SFXN5: variants seen among roughly 807,000 people sequenced by gnomAD.
The protein encoded by SFXN5 is sideroflexin 5, also known as sideroflexin-5.
SFXN5 carries 43 observed loss-of-function variants against 50.2 expected under a neutral mutation model. The observed-to-expected ratio is 0.86, with a 90% CI of 0.67 to 1.11. The LOEUF is 1.11. Among genes scored for constraint, SFXN5 ranks in the 50% least tolerant of loss-of-function variants. The pLI, the probability that SFXN5 is intolerant of heterozygous loss-of-function variation, is 0.00. For synonymous variants in SFXN5, 203 were observed against 185.8 expected, an observed-to-expected ratio of 1.09 and a Z score of -0.75; for missense variants, 463 against 454.1, an observed-to-expected ratio of 1.02 and a Z score of -0.18.
In SFXN5 at chr2:72,968,400, C is replaced by T; in HGVS notation, c.827+48G>A. The T allele has an allele frequency of 1.9e-6, 3 of 1,566,122 alleles. No homozygotes were observed. In the South Asian group the frequency reaches 3.4e-5, roughly 18 times the overall value. ...GGCCAGCCGGTTCCCCCTCCCTCTC[C>T]CCCTCCTCCCCCATGGTGGCCTCTC... On this transcript the variant is annotated intron_variant, in intron 12 of 13. Transcript: ENST00000272433.
chr2:73,063,094 A>G lies in SFXN5; in HGVS notation c.103-4498T>C, dbSNP rs111727973. Among the ~76,000 whole-genome samples, 282 of 152,370 alleles carry G rather than the reference A, an allele frequency of 1.9e-3. 2 individuals carry two copies. The highest frequency in any genetic ancestry group is 5.2e-3 in the African/African-American group (218 of 41,600). ...AGTGAGACATGAATGTTTGTTAACC[A>G]GAATAGGGACAGGAAGAAGCATACT... is the stretch of plus-strand genomic sequence containing the variant. On this transcript the variant is annotated intron_variant, in intron 1 of 13. Coordinates refer to ENST00000272433, the MANE Select transcript of SFXN5 (RefSeq NM_144579.3).
At chr2:73,047,275 T>TACATAC (rs1553522774) in intron 2 of SFXN5, among the ~76,000 whole-genome samples, 2 of 51,762 alleles carry the variant, frequency 3.9e-5, no homozygotes, top group Non-Finnish European at 6.9e-5. Flanking sequence ...TATATATATA[T>TACATAC]ACACACATAT....
chr2:72,973,179 A>G lies in SFXN5; in HGVS notation c.626-1494T>C, dbSNP rs1370578100. ...TTTGGAGAAGAAAAGCAGGAGGCCAAATACAGTTCTAAAATGTATTTAGAG... is the reference window on the plus strand; with the variant it reads ...TTTGGAGAAGAAAAGCAGGAGGCCAGATACAGTTCTAAAATGTATTTAGAG... On this transcript the variant is annotated intron_variant, in intron 10 of 13. Transcript: ENST00000272433. The surrounding 1 kb of genome is among the most constrained non-coding windows in gnomAD (Gnocchi z 5.5). The G allele has an allele frequency of 6.5e-6, 1 of 153,510 alleles. No individual in the cohort carries two copies. Among genetic ancestry groups the G allele is most frequent in the Non-Finnish European group, 1.5e-5 (1 of 68,066 alleles). The allele number at this position is 153,510 out of a possible 1,614,324, so 9.5% of individuals were successfully genotyped here. A position where few individuals can be genotyped will look rare whatever the true frequency, so the allele number is the denominator to read the frequency against.
At chr2:73,054,073 T>A (rs1681759409) in intron 2 of SFXN5, among the ~76,000 whole-genome samples, 2 of 152,136 alleles carry the variant, frequency 1.3e-5, no homozygotes, top group African/African-American at 4.8e-5. Context: ...CGAGAGCCAA[T>A]GAGGAGTATG....
intron 2 of SFXN5, 118 bp from the exon 3 acceptor site, chr2:73,041,049 C>A: frequency 1.5e-6 from 1 of 673,016 alleles, no homozygotes; most frequent in South Asian, 2.1e-5. Context: ...GGCCTGCCCT[C>A]AGTTCATGGG....
rs1676697719 is a variant in SFXN5 at position 73,020,262 on chromosome 2, A to C, written c.334T>G (p.Tyr112Asp). ...ACAATTGGCGTCCCAAAAGGAATAT[A>C]ACCTGTGAACGAGAAGAAAAGAGTC... ...KIFMPFRMSG[Y>D]IPFGTPIVVG... The change falls in exon 6 of 14, where the codon TAT becomes GAT. Residue 112 changes from tyrosine to aspartate, a missense_variant and splice_region_variant. Physicochemically the swap from Tyr to Asp is radical, Grantham distance 160 (BLOSUM62 -3). Transcript: ENST00000272433. 6.2e-7 allele frequency: 1 copy of C among 1,614,018 alleles called. No individual in the cohort carries two copies. Among genetic ancestry groups the C allele is most frequent in the Non-Finnish European group, 8.5e-7 (1 of 1,179,984 alleles).
In SFXN5 at chr2:72,999,027, G is replaced by A. The variant is rs761415434; in HGVS notation, c.469-13C>T. The stretch of plus-strand genomic sequence containing the variant: ...ATGCAGGTGAAGGCTGGAAAACAGA[G>A]GCAGAATTTCAGGCCTGCTGGGTGC... On this transcript the variant is annotated splice_polypyrimidine_tract_variant and intron_variant, in intron 8 of 13. Transcript: ENST00000272433. 2.5e-6 allele frequency: 4 copies of A among 1,614,016 alleles called. No homozygotes were observed. In the Admixed American group the frequency reaches 6.7e-5, roughly 27 times the overall value.
At chr2:73,052,872 T>G (rs150423517) in intron 2 of SFXN5, among the ~76,000 whole-genome samples, 65 of 152,282 alleles carry the variant, frequency 4.3e-4, no homozygotes, top group African/African-American at 1.4e-3. Context: ...AGGAGACTCA[T>G]AGCCCTTCAA....
At chr2:73,070,768 G>C (rs1046470800) in intron 1 of SFXN5, 7 of 152,116 alleles carry the variant, frequency 4.6e-5, no homozygotes, top group Non-Finnish European at 1.5e-5. Flanking sequence ...GCCGTGCCCC[G>C]AAGAGCCTGA....
chr2:73,064,270 A>C (rs1001434554), intron 1 of SFXN5, among the ~76,000 whole-genome samples: 1 of 152,272 alleles, frequency 6.6e-6, no homozygotes, highest in Non-Finnish European at 1.5e-5. Context: ...AGCCCAAAGC[A>C]GAAAGGCTGG....
chr2:72,977,834 C>T (rs1225514742), intron 10 of SFXN5, among the ~76,000 whole-genome samples: 1 of 151,972 alleles, frequency 6.6e-6, no homozygotes, highest in East Asian at 1.9e-4. Flanking sequence ...ATTAGTCGGG[C>T]ATGGTGGCAC....
chr2:73,063,967 C>T (rs1315736337), intron 1 of SFXN5, among the ~76,000 whole-genome samples: 1 of 152,190 alleles, frequency 6.6e-6, no homozygotes, highest in African/African-American at 2.4e-5. Flanking sequence ...GTTTTTCCTC[C>T]CCTTTTTCTT....
Position 72,985,293 on chromosome 2 carries a change from T to C in SFXN5, c.625+2965A>G, listed in dbSNP as rs551070470. 2.0e-5 allele frequency among the ~76,000 whole-genome samples: 3 copies of C among 152,068 alleles called. No individual in the cohort carries two copies. The East Asian group carries it at 5.8e-4, about 30-fold the overall frequency. Reference sequence around the variant, plus strand: ...TCTGGCCTAGCCTACCTCGGAGACCTGCAGTGAACCCCGGGCAGGACCTAG... The same window carrying C: ...TCTGGCCTAGCCTACCTCGGAGACCCGCAGTGAACCCCGGGCAGGACCTAG... On this transcript the variant is annotated intron_variant, in intron 10 of 13. Coordinates refer to ENST00000272433, the MANE Select transcript of SFXN5 (RefSeq NM_144579.3).
intron 3 of SFXN5, among the ~76,000 whole-genome samples, chr2:73,026,813 C>A (rs1677613443): frequency 6.6e-6 from 1 of 152,070 alleles, no homozygotes; most frequent in Non-Finnish European, 1.5e-5. Flanking sequence ...ACTGCAACCT[C>A]CACCTCCCAG....
intron 1 of SFXN5, chr2:73,070,659 A>C (rs965138847): frequency 5.9e-5 from 9 of 152,056 alleles, no homozygotes; most frequent in Admixed American, 3.3e-4. Flanking sequence ...CTCCGGGCCC[A>C]ACCAGGCGCC....
chr2:73,049,844 G>A (rs1681002112), intron 2 of SFXN5: 1 of 152,076 alleles, frequency 6.6e-6, no homozygotes, highest in Non-Finnish European at 1.5e-5. Flanking sequence ...AATTAGGTAT[G>A]GATGAGACCC....
At position 73,071,653 on chromosome 2, in the gene SFXN5, G is replaced by T; in HGVS notation, c.53C>A (p.Ala18Asp). Residue 18 changes from alanine to aspartate, a missense_variant, in exon 1 of 14, where the codon GCC (alanine) becomes GAC (aspartate). Physicochemically the swap from Ala to Asp is moderately radical, Grantham distance 126 (BLOSUM62 -2). Transcript: ENST00000272433. ...ASAAAASAAS[A>D]SSDAPPFQLG... ...TTGGAAAGGAGGTGCATCGCTCGAG[G>T]CGCTAGCGGCACTAGCCGCCGCCGC... is the stretch of plus-strand genomic sequence containing the variant. 6.2e-7 allele frequency: 1 copy of T among 1,613,474 alleles called. No individual in the cohort carries two copies. Among genetic ancestry groups the T allele is most frequent in the Non-Finnish European group, 8.5e-7 (1 of 1,179,882 alleles).
In SFXN5 at chr2:72,947,634, C is replaced by T. The variant is rs1285583894; in HGVS notation, c.946-2535G>A. On this transcript the variant is annotated intron_variant, in intron 13 of 13. Coordinates refer to ENST00000272433, the MANE Select transcript of SFXN5 (RefSeq NM_144579.3). ...GTCTGGGCTGTGCACATTGGAGTCC[C>T]CATAAGAGGGAGTGTAGTGAGGACT... Among the ~76,000 whole-genome samples, 7 of 152,300 alleles carry T rather than the reference C, an allele frequency of 4.6e-5. No individual in the cohort carries two copies. In the South Asian group the frequency reaches 8.3e-4, roughly 18 times the overall value.
chr2:73,058,863 C>T (rs1276855800), intron 1 of SFXN5: 5 of 482,284 alleles, frequency 1.0e-5, no homozygotes, highest in Non-Finnish European at 1.8e-5. Flanking sequence ...CCCTCTCTCT[C>T]CCAGTGCCCT....
Sources: allele counts gnomAD v4.1 joint callset (sites outside exome capture counted in the v4.1 genomes callset), GRCh38; gene constraint gnomAD v4.1.1; non-coding constraint Gnocchi (gnomAD v3.1); transcripts MANE v1.5; gene names NCBI Gene and HGNC (gene_info 2026-07-23, HGNC 2026-07-21).